The following PTER variants were observed in gnomAD, a reference collection of about 807,000 sequenced individuals.
The protein encoded by PTER is N-acetyltaurine hydrolase.
In PTER, 38 loss-of-function variants were observed where a neutral mutation model predicts 29.6. The ratio of observed to expected loss-of-function variants is 1.28; its 90% confidence interval spans 0.99 to 1.68. The LOEUF is 1.68. Ranked by LOEUF, PTER falls within the 40% of genes most tolerant of loss-of-function variation. The pLI, the probability that PTER is intolerant of heterozygous loss-of-function variation, is 0.00. For missense variants in PTER, 482 were observed against 427.8 expected (o/e 1.13, Z -1.12); for synonymous variants, 172 against 154.5 (o/e 1.11, Z -0.84).
chr10:16,473,540 A>C (rs925797206), intron 1 of PTER, among the ~76,000 whole-genome samples: 4 of 151,020 alleles, frequency 2.6e-5, no homozygotes, highest in Non-Finnish European at 4.4e-5. Flanking sequence ...AAAAAAAAAA[A>C]AAAAAAACAG....
At chr10:16,498,633 C>T (rs1481901069) in intron 3 of PTER, among the ~76,000 whole-genome samples, 1 of 152,100 alleles carries the variant, frequency 6.6e-6, no homozygotes, top group African/African-American at 2.4e-5. Flanking sequence ...ATATAGAATG[C>T]AGAATGAGGA....
chr10:16,458,090 CAGAA>C (rs1444941654), intron 1 of PTER, among the ~76,000 whole-genome samples: 2 of 152,092 alleles, frequency 1.3e-5, no homozygotes, highest in African/African-American at 4.8e-5. Context: ...TGTCAGCAAA[CAGAA>C]AGAAAAACAA....
At chr10:16,492,266 G>A (rs1835926907) in intron 3 of PTER, among the ~76,000 whole-genome samples, 1 of 152,172 alleles carries the variant, frequency 6.6e-6, no homozygotes, top group Non-Finnish European at 1.5e-5. Context: ...GATAGTTACA[G>A]CCACCCAAAG....
At chr10:16,445,692 T>C (rs2133363285) in intron 1 of PTER, among the ~76,000 whole-genome samples, 1 of 152,254 alleles carries the variant, frequency 6.6e-6, no homozygotes, top group Admixed American at 6.5e-5. Flanking sequence ...GCCACTTGTC[T>C]CCGATGCACT....
intron 4 of PTER, among the ~76,000 whole-genome samples, chr10:16,507,433 A>G (rs2133512677): frequency 6.6e-6 from 1 of 152,244 alleles, no homozygotes; most frequent in East Asian, 1.9e-4. Context: ...TTGCCGTGGA[A>G]GTAGCAAAGC....
At chr10:16,514,775 T>C, downstream of PTER, 2 of 1,207,960 alleles carry the variant, frequency 1.7e-6, no homozygotes, top group Non-Finnish European at 2.3e-6. Flanking sequence ...TTGCCATTCA[T>C]GTAGCATCAC....
intron 4 of PTER, among the ~76,000 whole-genome samples, chr10:16,506,387 A>C: frequency 6.6e-6 from 1 of 152,234 alleles, no homozygotes; most frequent in Admixed American, 6.5e-5. Context: ...GAGCAAAAGC[A>C]GAGACAGAGC....
chr10:16,457,455 C>T (rs1242077382), intron 1 of PTER, among the ~76,000 whole-genome samples: 7 of 152,212 alleles, frequency 4.6e-5, no homozygotes, highest in African/African-American at 1.7e-4. Context: ...CCTCGTGATC[C>T]GCCCGTCTCG....
downstream of PTER, among the ~76,000 whole-genome samples, chr10:16,517,026 A>G (rs910299906): frequency 1.3e-5 from 2 of 152,234 alleles, no homozygotes; most frequent in African/African-American, 4.8e-5. Flanking sequence ...TTCAAGCTCT[A>G]GTATTCAGCT....
chr10:16,495,595 A>G (rs1199030674), intron 3 of PTER, among the ~76,000 whole-genome samples: 1 of 152,240 alleles, frequency 6.6e-6, no homozygotes, highest in Non-Finnish European at 1.5e-5. Context: ...TTTTTAAAAC[A>G]TACTTGATCA....
intron 1 of PTER, among the ~76,000 whole-genome samples, chr10:16,453,438 G>A (rs570827844): frequency 3.3e-5 from 5 of 152,166 alleles, no homozygotes; most frequent in East Asian, 3.9e-4. Context: ...ATAGCCAGCC[G>A]TTTTCAGTTG....
intron 3 of PTER, among the ~76,000 whole-genome samples, chr10:16,490,030 T>C (rs76122755): frequency 0.029 from 4,357 of 152,212 alleles, 205 homozygotes; most frequent in African/African-American, 0.096. Flanking sequence ...AATAAACCCA[T>C]TGTAAGTCAA....
intron 4 of PTER, among the ~76,000 whole-genome samples, chr10:16,506,718 G>T (rs1836582566): frequency 1.3e-5 from 2 of 151,972 alleles, no homozygotes; most frequent in Non-Finnish European, 2.9e-5. Context: ...AGGACACATG[G>T]CCACATGTCC....
rs1236828083 is a variant in PTER at position 16,505,170 on chromosome 10, G to A, written c.839+10G>A. Reference sequence around the variant, plus strand: ...ACAAAAGAATTAGAAGGTAAATATGGTAAAGCCTCTCATAGCATTCCCTTT... The same window carrying A: ...ACAAAAGAATTAGAAGGTAAATATGATAAAGCCTCTCATAGCATTCCCTTT... On this transcript the variant is annotated intron_variant, in intron 4 of 4. Coordinates refer to ENST00000535784, the MANE Select transcript of PTER (RefSeq NM_001261836.2). 2.5e-6 allele frequency: 4 copies of A among 1,613,194 alleles called. No homozygotes were observed. Among genetic ancestry groups the A allele is most frequent in the African/African-American group, 2.7e-5 (2 of 74,912 alleles).
intron 1 of PTER, among the ~76,000 whole-genome samples, chr10:16,457,162 C>A (rs980795806): frequency 6.6e-6 from 1 of 152,152 alleles, no homozygotes; most frequent in Non-Finnish European, 1.5e-5. Flanking sequence ...GCCTCATAGT[C>A]ATTAACGCTT....
chr10:16,479,028 G>A (rs745760485), intron 1 of PTER, among the ~76,000 whole-genome samples: 9 of 151,824 alleles, frequency 5.9e-5, no homozygotes, highest in East Asian at 3.9e-4. Context: ...CATAGTCCTC[G>A]TAATTGTTTA....
intron 1 of PTER, among the ~76,000 whole-genome samples, chr10:16,455,610 G>T (rs1834366772): frequency 6.6e-6 from 1 of 152,148 alleles, no homozygotes; most frequent in African/African-American, 2.4e-5. Flanking sequence ...TGGATCACTT[G>T]TACCTGGGAG....
At chr10:16,480,326 C>T (rs538817439) in intron 1 of PTER, among the ~76,000 whole-genome samples, 3 of 151,358 alleles carry the variant, frequency 2.0e-5, no homozygotes, top group South Asian at 2.1e-4. Context: ...AGTAGCCTCC[C>T]GAGTGATGAC....
At chr10:16,438,877 C>A (rs1181867863) in intron 1 of PTER, among the ~76,000 whole-genome samples, 1 of 147,340 alleles carries the variant, frequency 6.8e-6, no homozygotes, top group African/African-American at 2.5e-5. Context: ...GCTGAGATCA[C>A]ACCACTGCAC....
Sources: allele counts gnomAD v4.1 joint callset (sites outside exome capture counted in the v4.1 genomes callset), GRCh38; gene constraint gnomAD v4.1.1; transcripts MANE v1.5; gene names NCBI Gene and HGNC (gene_info 2026-07-23, HGNC 2026-07-21).